KIF6: variants seen among roughly 807,000 people sequenced by gnomAD.
KIF6 encodes the protein kinesin family member 6, also known as kinesin-like protein KIF6.
A neutral mutation model predicts 112.7 loss-of-function variants in KIF6; 106 were observed. The observed-to-expected ratio is 0.94, with a 90% confidence interval of 0.80 to 1.11. KIF6 has a LOEUF of 1.11. Ranked by LOEUF, KIF6 falls within the 50% of genes least tolerant of loss-of-function variation. The probability of loss-of-function intolerance (pLI) is 0.00; values close to 1 mark genes in which losing one functional copy is unlikely to be tolerated. For synonymous variants in KIF6, 339 were observed against 339.9 expected (o/e 1.00, Z 0.03); for missense variants, 929 against 964.0 (o/e 0.96, Z 0.48).
At chr6:39,562,051 G>C (rs140724934) in intron 10 of KIF6, among the ~76,000 whole-genome samples, 26 of 152,288 alleles carry the variant, frequency 1.7e-4, no homozygotes, top group East Asian at 9.6e-4. Context: ...TGACCCAAAG[G>C]GTGGCTAATA....
In KIF6 at chr6:39,427,672, G is replaced by C. The variant is rs369438255; in HGVS notation, c.1754+3381C>G. Reference sequence around the variant, plus strand: ...GGGAAAACCTCTTTTCAGAGGAAAGGTTGTGTGAGTTTTAGTTCCCTTGCA... The same window carrying C: ...GGGAAAACCTCTTTTCAGAGGAAAGCTTGTGTGAGTTTTAGTTCCCTTGCA... On this transcript the variant is annotated intron_variant, in intron 14 of 22. Transcript: ENST00000287152. Among the ~76,000 whole-genome samples the C allele has an allele frequency of 3.9e-5, 6 of 152,318 alleles. No homozygotes were observed. In the East Asian group the frequency reaches 7.7e-4, roughly 20 times the overall value.
chr6:39,491,619 C>A (rs543785600), intron 13 of KIF6, among the ~76,000 whole-genome samples: 2 of 152,260 alleles, frequency 1.3e-5, no homozygotes, highest in African/African-American at 2.4e-5. Context: ...GCTTTGGGAC[C>A]AGGCAGCAGT....
intron 6 of KIF6, among the ~76,000 whole-genome samples, chr6:39,608,098 C>G (rs545521052): frequency 6.6e-6 from 1 of 152,278 alleles, no homozygotes; most frequent in Admixed American, 6.5e-5. Context: ...CCAACTCACA[C>G]CCTGTCTCCC....
At chr6:39,391,694 G>A (rs747784891) in intron 15 of KIF6, among the ~76,000 whole-genome samples, 1 of 152,114 alleles carries the variant, frequency 6.6e-6, no homozygotes, top group Non-Finnish European at 1.5e-5. Flanking sequence ...CAAAATATAT[G>A]AATAAATCTC....
chr6:39,508,944 G>A (rs1181978356), intron 13 of KIF6, among the ~76,000 whole-genome samples: 1 of 152,180 alleles, frequency 6.6e-6, no homozygotes. Context: ...TGACCCCTGT[G>A]TAGCCTAACT....
intron 15 of KIF6, among the ~76,000 whole-genome samples, chr6:39,391,947 G>GTA (rs546322111): frequency 0.055 from 8,377 of 151,230 alleles, 331 homozygotes; most frequent in Non-Finnish European, 0.077. Context: ...ATGAATGCAT[G>GTA]TATATATATA....
At chr6:39,411,624 C>G (rs1329479307) in intron 15 of KIF6, among the ~76,000 whole-genome samples, 1 of 152,124 alleles carries the variant, frequency 6.6e-6, no homozygotes, top group African/African-American at 2.4e-5. Flanking sequence ...GCCTGGAGAA[C>G]AGATGAGTCA....
chr6:39,568,269 G>A (rs1780429157), intron 10 of KIF6, among the ~76,000 whole-genome samples: 1 of 152,184 alleles, frequency 6.6e-6, no homozygotes, highest in African/African-American at 2.4e-5. Context: ...TCTAGATCAA[G>A]TGGCCCAGGA....
chr6:39,709,232 T>C (rs302590), intron 3 of KIF6, among the ~76,000 whole-genome samples: 146,477 of 152,318 alleles, frequency 0.96, 70,650 homozygotes, highest in East Asian at 1. Context: ...CTTTGGTCCC[T>C]GCCATTTTTG....
chr6:39,472,332 C>T (rs1342942977), intron 13 of KIF6, among the ~76,000 whole-genome samples: 1 of 152,032 alleles, frequency 6.6e-6, no homozygotes, highest in African/African-American at 2.4e-5. Flanking sequence ...TTTTCTTCTC[C>T]TCCAGCCAGA....
intron 3 of KIF6, among the ~76,000 whole-genome samples, chr6:39,659,084 T>A (rs142411205): frequency 6.6e-6 from 1 of 152,190 alleles, no homozygotes; most frequent in Non-Finnish European, 1.5e-5. Flanking sequence ...ATCTTCCCAA[T>A]ATCTCCAATA....
At chr6:39,639,829 T>A in intron 3 of KIF6, 72 bp from the exon 4 acceptor site, 1 of 1,338,992 alleles carries the variant, frequency 7.5e-7, no homozygotes, top group Non-Finnish European at 1.0e-6. Context: ...GCTTGTATTC[T>A]AATAACAATC....
In KIF6 at chr6:39,432,774, T is replaced by A. The variant is rs542335997; in HGVS notation, c.1646-1613A>T. Among the ~76,000 whole-genome samples the A allele has an allele frequency of 4.3e-4, 66 of 152,248 alleles. No homozygotes were observed. The South Asian group carries it at 0.014, about 32-fold the overall frequency. On this transcript the variant is annotated intron_variant, in intron 13 of 22. Transcript: ENST00000287152. ...ATTCCATACCTTTCCCCTGTCCGGG[T>A]CTGCACCCAGTTCTAACAGTGCATG... is the stretch of plus-strand genomic sequence containing the variant.
chr6:39,445,807 T>TG (rs1173546620), intron 13 of KIF6, among the ~76,000 whole-genome samples: 1 of 152,128 alleles, frequency 6.6e-6, no homozygotes, highest in African/African-American at 2.4e-5. Flanking sequence ...TCCACAGGGA[T>TG]GGGGAGGATC....
intron 12 of KIF6, among the ~76,000 whole-genome samples, chr6:39,542,470 CTT>C (rs1422866537): frequency 2.0e-5 from 3 of 152,132 alleles, no homozygotes; most frequent in Non-Finnish European, 4.4e-5. Context: ...GCATTACTGT[CTT>C]TTGTGAAACT....
chr6:39,434,500 G>A (rs1177966960), intron 13 of KIF6, among the ~76,000 whole-genome samples: 1 of 152,096 alleles, frequency 6.6e-6, no homozygotes, highest in Non-Finnish European at 1.5e-5. Context: ...GAACCCAGGA[G>A]GCAGAGGTTG....
intron 14 of KIF6, among the ~76,000 whole-genome samples, chr6:39,422,562 C>G (rs1415216202): frequency 1.3e-5 from 2 of 152,200 alleles, no homozygotes; most frequent in African/African-American, 4.8e-5. Context: ...TTCCTGATCC[C>G]TGGTTGTCAA....
chr6:39,396,783 A>T (rs1170982611), intron 15 of KIF6, among the ~76,000 whole-genome samples: 1 of 152,214 alleles, frequency 6.6e-6, no homozygotes, highest in East Asian at 1.9e-4. Context: ...AGTGGTGGTC[A>T]TCATGGTGGT....
intron 15 of KIF6, among the ~76,000 whole-genome samples, chr6:39,390,413 G>T (rs934734921): frequency 2.0e-5 from 3 of 152,146 alleles, no homozygotes; most frequent in Non-Finnish European, 4.4e-5. Flanking sequence ...ATTACTACAG[G>T]CGAATTGAGT....
Sources: gnomAD v4.1 joint callset for allele counts (sites outside exome capture counted in the v4.1 genomes callset) on GRCh38, gnomAD v4.1.1 for gene constraint, MANE v1.5 for transcripts, NCBI Gene and HGNC (gene_info 2026-07-23, HGNC 2026-07-21) for gene names.